The following MCTP1 variants were observed in gnomAD, a reference collection of about 807,000 sequenced individuals.
The protein encoded by MCTP1 is multiple C2 and transmembrane domain containing 1.
A neutral mutation model predicts 120.6 loss-of-function variants in MCTP1; 69 were observed. That is an observed-to-expected ratio of 0.57 (90% CI 0.47 to 0.70). The LOEUF is 0.70. Among genes scored for constraint, MCTP1 ranks in the 30% least tolerant of loss-of-function variants. The pLI, the probability that MCTP1 is intolerant of heterozygous loss-of-function variation, is 0.00. For synonymous variants in MCTP1, 529 were observed against 493.1 expected, an observed-to-expected ratio of 1.07 and a Z score of -0.96; for missense variants, 1,203 against 1,248.8, an observed-to-expected ratio of 0.96 and a Z score of 0.55.
At chr5:94,751,703 G>T (rs141895671) in intron 19 of MCTP1, among the ~76,000 whole-genome samples, 1 of 152,102 alleles carries the variant, frequency 6.6e-6, no homozygotes, top group South Asian at 2.1e-4. Context: ...AAGCAGAGCC[G>T]TTGTTGAATG....
intron 1 of MCTP1, among the ~76,000 whole-genome samples, chr5:95,063,906 A>C (rs1412344261): frequency 6.6e-6 from 1 of 152,204 alleles, no homozygotes; most frequent in Admixed American, 6.5e-5. Flanking sequence ...AATTATAACA[A>C]GTCAAATAAC....
At chr5:94,745,479 T>C (rs1484437474) in intron 19 of MCTP1, among the ~76,000 whole-genome samples, 1 of 152,222 alleles carries the variant, frequency 6.6e-6, no homozygotes, top group Admixed American at 6.5e-5. Flanking sequence ...TTGTCTCTTA[T>C]TCCCATTTTG....
chr5:95,062,125 A>T (rs1749389495), intron 1 of MCTP1, among the ~76,000 whole-genome samples: 1 of 152,254 alleles, frequency 6.6e-6, no homozygotes, highest in African/African-American at 2.4e-5. Context: ...AATTATTTCC[A>T]TTACTTTGAT....
At chr5:94,924,988 A>G (rs1465188433) in intron 6 of MCTP1, among the ~76,000 whole-genome samples, 2 of 152,210 alleles carry the variant, frequency 1.3e-5, no homozygotes, top group Non-Finnish European at 2.9e-5. Flanking sequence ...ATTTAGATGC[A>G]TTGAAGTCCC....
intron 19 of MCTP1, among the ~76,000 whole-genome samples, chr5:94,763,376 C>T (rs1215865805): frequency 1.3e-5 from 2 of 152,142 alleles, no homozygotes; most frequent in Non-Finnish European, 2.9e-5. Flanking sequence ...TTTCCCTCGA[C>T]TCTCCCTCCT....
chr5:94,765,236 T>C (rs1772318934), intron 19 of MCTP1, among the ~76,000 whole-genome samples: 1 of 152,126 alleles, frequency 6.6e-6, no homozygotes, highest in Non-Finnish European at 1.5e-5. Context: ...CTATGGAATA[T>C]AGCAAAAGCA....
intron 1 of MCTP1, 84 bp downstream of exon 1, chr5:95,283,772 C>T (rs1760510130): frequency 2.6e-6 from 3 of 1,135,944 alleles, no homozygotes; most frequent in Non-Finnish European, 3.4e-6. Flanking sequence ...CCGGCCCCCG[C>T]CCCCCGCTCC....
At chr5:95,075,434 G>C (rs920161377) in intron 1 of MCTP1, among the ~76,000 whole-genome samples, 1 of 151,910 alleles carries the variant, frequency 6.6e-6, no homozygotes, top group Non-Finnish European at 1.5e-5. Flanking sequence ...CTTAATTTTG[G>C]TTTATAAAAC....
intron 17 of MCTP1, among the ~76,000 whole-genome samples, chr5:94,858,438 A>G (rs764995624): frequency 6.6e-6 from 1 of 151,676 alleles, no homozygotes; most frequent in Non-Finnish European, 1.5e-5. Context: ...GGGTGCATAC[A>G]GACTTATTAT....
rs1050743083 is a variant in MCTP1, at chr5:95,283,877, G to A, written c.699C>T (p.Gly233=). The change falls in exon 1 of 23, where the codon GGC becomes GGT. Residue 233 remains glycine (G), a synonymous_variant. Transcript: ENST00000515393. ...TCACCTGGCTGCTGCCGTGCTCCTC[G>A]CCCGTCTCCGGGGCCCGAGACTCCG... ...SPAESRAPET[G]EEHGSSQKII... 4 of 1,377,092 alleles carry A rather than the reference G, an allele frequency of 2.9e-6. No individual in the cohort carries two copies. In the African/African-American group the frequency reaches 4.6e-5, roughly 16 times the overall value. The allele number at this position is 1,377,092 out of a possible 1,614,324, so 85.3% of individuals were successfully genotyped here.
At chr5:94,761,454 T>A (rs1027741100) in intron 19 of MCTP1, among the ~76,000 whole-genome samples, 5 of 152,166 alleles carry the variant, frequency 3.3e-5, no homozygotes, top group African/African-American at 1.2e-4. Context: ...ATTCATCTTG[T>A]AAATCAAAAA....
intron 1 of MCTP1, among the ~76,000 whole-genome samples, chr5:95,048,726 G>A (rs1426215693): frequency 6.6e-6 from 1 of 152,150 alleles, no homozygotes; most frequent in Non-Finnish European, 1.5e-5. Flanking sequence ...CCTTGGCTGA[G>A]AAGAATATTT....
rs1374184117 is a variant in MCTP1 at position 95,284,271 on chromosome 5, G to A, written c.305C>T (p.Ser102Leu). 1 of 1,594,650 alleles carries A rather than the reference G, an allele frequency of 6.3e-7. No homozygotes were observed. The highest frequency in any genetic ancestry group is 8.5e-7 in the Non-Finnish European group (1 of 1,177,640). ...FSSSQPNLCC[S>L]SPEPLEPGGA... ...GCCGGGCTCCAGGGGCTCCGGCGAC[G>A]AGCAGCACAGGTTGGGCTGCGAGGA... Residue 102 changes from serine (S) to leucine (L), a missense_variant, in exon 1 of 23, where the codon TCG becomes TTG. Ser to Leu is a moderately radical substitution (Grantham distance 145). Transcript: ENST00000515393. The surrounding 1 kb of genome is among the most constrained non-coding windows in gnomAD (Gnocchi z 5.2).
chr5:94,913,038 C>T (rs1403107174), intron 8 of MCTP1, 62 bp from the exon 9 acceptor site: 49 of 1,302,032 alleles, frequency 3.8e-5, no homozygotes, highest in Middle Eastern at 1.8e-4. Flanking sequence ...CTCATTTTGG[C>T]GTTACCTTTT....
chr5:95,274,626 C>CTTTCTTTCTTTTTTTCTT (rs1554244620), intron 1 of MCTP1, among the ~76,000 whole-genome samples: 6 of 149,674 alleles, frequency 4.0e-5, no homozygotes, highest in African/African-American at 1.5e-4. Context: ...TTACTGCTTT[C>CTTTCTTTCTTTTTTTCTT]TTTTTTTCTT....
At chr5:94,734,591 G>A (rs1763795110) in intron 19 of MCTP1, among the ~76,000 whole-genome samples, 1 of 151,884 alleles carries the variant, frequency 6.6e-6, no homozygotes, top group Non-Finnish European at 1.5e-5. Flanking sequence ...CCAAGTAGCT[G>A]GGACTATAGG....
intron 1 of MCTP1, among the ~76,000 whole-genome samples, chr5:95,215,032 A>G (rs1368523424): frequency 6.6e-6 from 1 of 152,156 alleles, no homozygotes; most frequent in Non-Finnish European, 1.5e-5. Flanking sequence ...GATTGTCTCA[A>G]ACATCTCAGA....
intron 2 of MCTP1, among the ~76,000 whole-genome samples, chr5:94,974,069 C>T (rs1176964787): frequency 2.6e-5 from 4 of 152,048 alleles, no homozygotes; most frequent in East Asian, 1.9e-4. Context: ...CTTCATCTTA[C>T]TCAACATGAA....
In MCTP1 at chr5:94,770,574, G is replaced by A. The variant is rs550011144; in HGVS notation, c.2610+8536C>T. Among the ~76,000 whole-genome samples, 21 of 152,264 alleles carry A rather than the reference G, an allele frequency of 1.4e-4. No individual in the cohort carries two copies. In the South Asian group the frequency reaches 3.5e-3, roughly 26 times the overall value. On this transcript the variant is annotated intron_variant, in intron 19 of 22. Coordinates refer to ENST00000515393, the MANE Select transcript of MCTP1 (RefSeq NM_024717.7). The stretch of plus-strand genomic sequence containing the variant: ...TCATTTAAATTATTTTAGCCCAACT[G>A]CCACTTTGGAGGGAATGTTGGAGAC...
Sources: gnomAD v4.1 joint callset for allele counts (sites outside exome capture counted in the v4.1 genomes callset) on GRCh38, gnomAD v4.1.1 for gene constraint, Gnocchi (gnomAD v3.1) non-coding constraint, MANE v1.5 for transcripts, NCBI Gene and HGNC (gene_info 2026-07-23, HGNC 2026-07-21) for gene names.